FRMD3: variants seen among roughly 807,000 people sequenced by gnomAD.
FRMD3 encodes the protein FERM domain containing 3, also known as FERM domain-containing protein 3.
In FRMD3, 33 loss-of-function variants were observed where a neutral mutation model predicts 70.2. That is an observed-to-expected ratio of 0.47 (90% CI 0.36 to 0.63). The LOEUF (loss-of-function observed/expected upper bound fraction) is 0.63. Ranked by LOEUF, FRMD3 falls within the 20% of genes least tolerant of loss-of-function variation. FRMD3 has a pLI of 0.00. For missense variants in FRMD3, 632 were observed against 711.4 expected, an observed-to-expected ratio of 0.89 and a Z score of 1.27; for synonymous variants, 279 against 255.9, an observed-to-expected ratio of 1.09 and a Z score of -0.86.
At position 83,248,440 on chromosome 9, in the gene FRMD3, A is replaced by G; in HGVS notation, c.1272T>C (p.Tyr424=). 6.2e-7 allele frequency: 1 copy of G among 1,614,078 alleles called. No individual in the cohort carries two copies. Among genetic ancestry groups the G allele is most frequent in the Non-Finnish European group, 8.5e-7 (1 of 1,180,018 alleles). The change falls in exon 14 of 14, where the codon TAT becomes TAC. Residue 424 remains tyrosine, a synonymous_variant. Coordinates refer to ENST00000304195, the MANE Select transcript of FRMD3 (RefSeq NM_174938.6). ...SSSPVKAARE[Y]EDPPSEEEDK... ...CTTCCTCTTCACTAGGGGGATCTTC[A>G]TACTCCCGGGCTGCCTTCACTGGGG... is the stretch of plus-strand genomic sequence containing the variant.
chr9:83,298,627 T>C (rs1834771900), intron 12 of FRMD3, 121 bp downstream of exon 12: 3 of 745,656 alleles, frequency 4.0e-6, no homozygotes, highest in Non-Finnish European at 4.6e-6. Context: ...GAGTGAGATG[T>C]CTAAGGAAGT....
chr9:83,444,397 T>C (rs1587858222), intron 1 of FRMD3, among the ~76,000 whole-genome samples: 1 of 152,258 alleles, frequency 6.6e-6, no homozygotes, highest in African/African-American at 2.4e-5. Context: ...CAGTCGGGGC[T>C]GCCCAGATTG....
At chr9:83,384,829 G>C (rs895430881) in intron 2 of FRMD3, among the ~76,000 whole-genome samples, 4 of 152,094 alleles carry the variant, frequency 2.6e-5, no homozygotes, top group African/African-American at 9.7e-5. Flanking sequence ...GATGGAAATG[G>C]GTTAAACAGA....
chr9:83,378,826 T>A (rs13292680), intron 2 of FRMD3, among the ~76,000 whole-genome samples: 1 of 127,136 alleles, frequency 7.9e-6, no homozygotes, highest in African/African-American at 3.3e-5. Flanking sequence ...AAATTTTATA[T>A]AAATATATAT....
intron 6 of FRMD3, among the ~76,000 whole-genome samples, chr9:83,327,130 C>A (rs1292895070): frequency 6.6e-6 from 1 of 152,128 alleles, no homozygotes; most frequent in Admixed American, 6.5e-5. Context: ...TCCCTCTGAC[C>A]CATCTGAGCC....
rs555719223 is a variant in FRMD3, at chr9:83,528,945, TAAC to T, written c.147+9137_147+9139del. 1.3e-3 allele frequency among the ~76,000 whole-genome samples: 192 copies of T among 152,332 alleles called. 1 individual carries two copies. Among genetic ancestry groups the T allele is most frequent in the African/African-American group, 4.4e-3 (183 of 41,576 alleles). On this transcript the variant is annotated intron_variant, in intron 1 of 13. Coordinates refer to ENST00000304195, the MANE Select transcript of FRMD3 (RefSeq NM_174938.6). Reference sequence around the variant, plus strand: ...ATTCGATTATTGATTCATTTAAAAATAACAATAAACCCACTGTACATTAATGTA... The same window carrying T: ...ATTCGATTATTGATTCATTTAAAAATAATAAACCCACTGTACATTAATGTA...
chr9:83,295,988 A>T (rs2119002613), intron 12 of FRMD3, among the ~76,000 whole-genome samples: 2 of 152,368 alleles, frequency 1.3e-5, no homozygotes, highest in South Asian at 2.1e-4. Context: ...CACACACCTC[A>T]GCAGATGTAG....
intron 1 of FRMD3, among the ~76,000 whole-genome samples, chr9:83,463,529 A>T (rs1278052543): frequency 6.6e-6 from 1 of 152,200 alleles, no homozygotes; most frequent in Non-Finnish European, 1.5e-5. Flanking sequence ...TCATGAGAAC[A>T]GTAGCATAGG....
At chr9:83,549,373 A>T in the FRMD3 span, among the ~76,000 whole-genome samples, 1 of 152,130 alleles carries the variant, frequency 6.6e-6, no homozygotes, top group South Asian at 2.1e-4. Context: ...ATTTAGGTTG[A>T]TTCCATGTCC....
chr9:83,243,802 G>A (rs1446022888), downstream of FRMD3, among the ~76,000 whole-genome samples: 5 of 152,114 alleles, frequency 3.3e-5, no homozygotes, highest in Admixed American at 3.3e-4. Context: ...TACCCCTTTT[G>A]TTTCATTCCA....
intron 10 of FRMD3, among the ~76,000 whole-genome samples, chr9:83,308,156 G>A (rs774274765): frequency 2.0e-5 from 3 of 152,094 alleles, no homozygotes; most frequent in Non-Finnish European, 2.9e-5. Flanking sequence ...GGGTTTCCTG[G>A]GACATGGGGA....
At chr9:83,354,106 A>G (rs2375925) in intron 3 of FRMD3, among the ~76,000 whole-genome samples, 4 of 151,984 alleles carry the variant, frequency 2.6e-5, no homozygotes, top group Non-Finnish European at 4.4e-5. Context: ...TTGTATTTTT[A>G]GTAGAGACAG....
intron 13 of FRMD3, among the ~76,000 whole-genome samples, chr9:83,253,913 C>T (rs558082831): frequency 6.6e-6 from 1 of 152,102 alleles, no homozygotes; most frequent in African/African-American, 2.4e-5. Context: ...GGCACATATA[C>T]ACCATGGAAT....
intron 1 of FRMD3, among the ~76,000 whole-genome samples, chr9:83,393,930 G>GTTT (rs11427636): frequency 7.8e-4 from 106 of 136,594 alleles, no homozygotes; most frequent in Non-Finnish European, 1.3e-3. Flanking sequence ...TTTTGATTTT[G>GTTT]TTTTTTTTTG....
At chr9:83,331,041 G>A (rs565133403) in intron 6 of FRMD3, among the ~76,000 whole-genome samples, 1 of 152,126 alleles carries the variant, frequency 6.6e-6, no homozygotes, top group Non-Finnish European at 1.5e-5. Context: ...AAAATAGTGT[G>A]GTGGTTTCTT....
chr9:83,279,518 C>T (rs553187164), intron 13 of FRMD3: 15 of 152,042 alleles, frequency 9.9e-5, no homozygotes, highest in East Asian at 1.9e-4. Context: ...GTGTTCATTG[C>T]GGCACTATTC....
intron 1 of FRMD3, among the ~76,000 whole-genome samples, chr9:83,496,277 G>A (rs1336344458): frequency 1.3e-5 from 2 of 152,166 alleles, no homozygotes; most frequent in Admixed American, 6.5e-5. Flanking sequence ...TGCAAAAATT[G>A]TGAAAATGGA....
intron 1 of FRMD3, among the ~76,000 whole-genome samples, chr9:83,479,793 A>G (rs78489652): frequency 4.8e-4 from 28 of 58,480 alleles, no homozygotes; most frequent in African/African-American, 2.5e-3. Context: ...GAGGGAAGGA[A>G]GGAAGGAAGG....
At chr9:83,363,344 A>G (rs1824671798) in intron 3 of FRMD3, among the ~76,000 whole-genome samples, 1 of 152,196 alleles carries the variant, frequency 6.6e-6, no homozygotes, top group Admixed American at 6.5e-5. Context: ...AAGTCTTTCC[A>G]TGTCAATAAT....
Sources: gnomAD v4.1 joint callset for allele counts (sites outside exome capture counted in the v4.1 genomes callset) on GRCh38, gnomAD v4.1.1 for gene constraint, MANE v1.5 for transcripts, NCBI Gene and HGNC (gene_info 2026-07-23, HGNC 2026-07-21) for gene names.